ASCC3: variants seen among roughly 807,000 people sequenced by gnomAD.
ASCC3 encodes ASC-1 complex subunit P200.
Under a neutral mutation model 256.3 loss-of-function variants are expected in ASCC3, and 158 were observed. That is an observed-to-expected ratio of 0.62 (90% CI 0.54 to 0.70). The LOEUF is 0.70. ASCC3 is among the 30% of genes least tolerant of loss of function. The probability of loss-of-function intolerance (pLI) is 0.00; values close to 1 mark genes in which losing one functional copy is unlikely to be tolerated. For synonymous variants in ASCC3, 948 were observed against 883.4 expected, an observed-to-expected ratio of 1.07 and a Z score of -1.30; for missense variants, 2,259 against 2,626.0, an observed-to-expected ratio of 0.86 and a Z score of 3.05.
chr6:100,751,002 C>T (rs933090876), intron 10 of ASCC3, among the ~76,000 whole-genome samples: 4 of 152,020 alleles, frequency 2.6e-5, no homozygotes, highest in African/African-American at 9.7e-5. Flanking sequence ...CATATTTGTG[C>T]TTATTTGCTC....
chr6:100,758,747 T>G (rs1177754976), intron 10 of ASCC3, among the ~76,000 whole-genome samples: 2 of 152,116 alleles, frequency 1.3e-5, no homozygotes, highest in African/African-American at 4.8e-5. Flanking sequence ...CTTTGGGTAC[T>G]GAGTATACCC....
chr6:100,520,843 C>T (rs1186369856), intron 37 of ASCC3, among the ~76,000 whole-genome samples: 3 of 152,118 alleles, frequency 2.0e-5, no homozygotes, highest in Non-Finnish European at 2.9e-5. Context: ...CCTAAGGGCA[C>T]GTTTCTCAGA....
At chr6:100,824,539 C>T (rs1283050297) in intron 4 of ASCC3, among the ~76,000 whole-genome samples, 1 of 152,090 alleles carries the variant, frequency 6.6e-6, no homozygotes, top group East Asian at 1.9e-4. Flanking sequence ...ATCAAGAACC[C>T]TTTCGAATTA....
chr6:100,842,926 G>C (rs2114490443), intron 4 of ASCC3, among the ~76,000 whole-genome samples: 1 of 152,176 alleles, frequency 6.6e-6, no homozygotes, highest in Non-Finnish European at 1.5e-5. Flanking sequence ...AGTAAACTAT[G>C]ATCATGCCAC....
At chr6:100,648,752 C>T (rs6928584) in intron 20 of ASCC3, among the ~76,000 whole-genome samples, 4,579 of 151,966 alleles carry the variant, frequency 0.03, 76 homozygotes, top group African/African-American at 0.055. Flanking sequence ...AATTTTCCTG[C>T]CTTTGAAAGT....
At chr6:100,607,258 C>T (rs1562159888) in intron 30 of ASCC3, among the ~76,000 whole-genome samples, 170 bp from the exon 31 acceptor site, 1 of 151,876 alleles carries the variant, frequency 6.6e-6, no homozygotes, top group East Asian at 1.9e-4. Flanking sequence ...AGAATATCTA[C>T]TTGGTGAGAA....
rs549136533 is a variant in ASCC3 at position 100,555,773 on chromosome 6, G to A, written c.5551-15386C>T. On this transcript the variant is annotated intron_variant, in intron 36 of 41. Transcript: ENST00000369162. The stretch of plus-strand genomic sequence containing the variant: ...TTTGAATCCTAAAAAGGGATACTGA[G>A]ATTAACAGCAACATATAATTGTGTA... 5.9e-5 allele frequency among the ~76,000 whole-genome samples: 9 copies of A among 152,294 alleles called. 1 individual carries two copies. In the South Asian group the frequency reaches 1.9e-3, roughly 32 times the overall value.
chr6:100,867,322 G>C (rs1773528418), intron 2 of ASCC3, among the ~76,000 whole-genome samples: 1 of 152,094 alleles, frequency 6.6e-6, no homozygotes, highest in South Asian at 2.1e-4. Flanking sequence ...AAATGTCAAA[G>C]CAGTCCATGT....
chr6:100,604,247 T>C (rs1772771693), intron 33 of ASCC3, among the ~76,000 whole-genome samples: 4 of 152,160 alleles, frequency 2.6e-5, no homozygotes, highest in Admixed American at 2.6e-4. Context: ...CAGTCTGTGA[T>C]ATTTTTCCAT....
At chr6:100,629,225 CA>C in intron 26 of ASCC3, 44 bp from the exon 27 acceptor site, 1 of 1,582,240 alleles carries the variant, frequency 6.3e-7, no homozygotes, top group Non-Finnish European at 8.7e-7. Context: ...TTTCAGGTAA[CA>C]AATGACCTTG....
intron 1 of ASCC3, among the ~76,000 whole-genome samples, chr6:100,876,227 A>G (rs555004791): frequency 1.3e-5 from 2 of 152,308 alleles, no homozygotes; most frequent in East Asian, 3.9e-4. Context: ...AGAGAAAAAC[A>G]TGGTAAAAGG....
At chr6:100,569,278 GGT>G (rs1428060585) in intron 36 of ASCC3, among the ~76,000 whole-genome samples, 1 of 151,988 alleles carries the variant, frequency 6.6e-6, no homozygotes, top group East Asian at 1.9e-4. Flanking sequence ...GGTGACTGTA[GGT>G]GTGTGGCTTT....
chr6:100,710,092 A>G (rs1778794181), intron 13 of ASCC3, among the ~76,000 whole-genome samples: 1 of 152,164 alleles, frequency 6.6e-6, no homozygotes, highest in Non-Finnish European at 1.5e-5. Context: ...CTTTGCAGTA[A>G]GGCACTAAAA....
intron 16 of ASCC3, among the ~76,000 whole-genome samples, chr6:100,656,870 T>G (rs1161257009): frequency 4.6e-5 from 7 of 150,996 alleles, no homozygotes; most frequent in Admixed American, 4.0e-4. Context: ...TGAAATTGTT[T>G]TTAACCTCCT....
intron 10 of ASCC3, among the ~76,000 whole-genome samples, chr6:100,746,379 CT>C (rs1780677780): frequency 6.6e-6 from 1 of 151,746 alleles, no homozygotes; most frequent in Non-Finnish European, 1.5e-5. Flanking sequence ...ATTAATTTTT[CT>C]GTTAAAAAGA....
intron 8 of ASCC3, among the ~76,000 whole-genome samples, chr6:100,773,728 C>A (rs1244964323): frequency 1.3e-5 from 2 of 151,976 alleles, no homozygotes; most frequent in African/African-American, 4.8e-5. Flanking sequence ...TAATCAATTG[C>A]CAGGAACATA....
At chr6:100,593,831 G>C (rs1004565271) in intron 34 of ASCC3, among the ~76,000 whole-genome samples, 1 of 152,010 alleles carries the variant, frequency 6.6e-6, no homozygotes, top group African/African-American at 2.4e-5. Context: ...GGGGAAAACA[G>C]AGTAAAACTG....
Position 100,632,985 on chromosome 6 carries a change from AAAAT to A in ASCC3, c.4123-1776_4123-1773del, listed in dbSNP as rs201330832. On this transcript the variant is annotated intron_variant, in intron 25 of 41. Transcript: ENST00000369162. ...AACAAACTAAAAAGCTTCTACATGG[AAAAT>A]AAATAAATAAATAAAATCAACAGAG... 8.7e-3 allele frequency among the ~76,000 whole-genome samples: 1,321 copies of A among 152,264 alleles called. 12 individuals are homozygous for A. The highest frequency in any genetic ancestry group is 0.014 in the Non-Finnish European group (933 of 68,012).
Position 100,625,249 on chromosome 6 carries a change from G to A in ASCC3, c.4728C>T (p.Ile1576=), listed in dbSNP as rs765251035. ...GATCTTCTTCAGTAGCCAGGAAGGC[G>A]ATCAATTCCAAAGCAGTAAGACGAG... ...RQTRLTALEL[I]AFLATEEDPK... The change falls in exon 30 of 42, where the codon ATC becomes ATT. Residue 1576 remains isoleucine, a synonymous_variant. Transcript: ENST00000369162. 7.4e-6 allele frequency: 12 copies of A among 1,612,956 alleles called. No homozygotes were observed. The highest frequency in any genetic ancestry group is 4.5e-5 in the East Asian group (2 of 44,842).
Sources: allele counts gnomAD v4.1 joint callset (sites outside exome capture counted in the v4.1 genomes callset), GRCh38; gene constraint gnomAD v4.1.1; transcripts MANE v1.5; gene names NCBI Gene and HGNC (gene_info 2026-07-23, HGNC 2026-07-21).